Variants in SF3B3 observed in about 807,000 individuals in gnomAD.
SF3B3 encodes the protein SAP 130.
A neutral mutation model predicts 139.2 loss-of-function variants in SF3B3; 33 were observed. The ratio of observed to expected loss-of-function variants is 0.24; its 90% confidence interval spans 0.18 to 0.32. SF3B3 has a LOEUF of 0.32. SF3B3 is among the 10% of genes least tolerant of loss of function. The pLI is 1.00. For synonymous variants in SF3B3, 596 were observed against 563.6 expected, an observed-to-expected ratio of 1.06 and a Z score of -0.81; for missense variants, 818 against 1,509.4, an observed-to-expected ratio of 0.54 and a Z score of 7.59.
In SF3B3 at chr16:70,576,853, G is replaced by A. The variant is rs2050585597; in HGVS notation, c.*5040G>A. 1 of 152,296 alleles carries A rather than the reference G, an allele frequency of 6.6e-6. No homozygotes were observed. Among genetic ancestry groups the A allele is most frequent in the African/African-American group, 2.4e-5 (1 of 41,456 alleles). The allele number at this position is 152,296 out of a possible 1,614,324, so 9.4% of individuals were successfully genotyped here. A position where few individuals can be genotyped will look rare whatever the true frequency, so the allele number is the denominator to read the frequency against. On this transcript the variant is annotated 3_prime_UTR_variant, in exon 26 of 26. Coordinates refer to ENST00000302516, the MANE Select transcript of SF3B3 (RefSeq NM_012426.5). ...AGAATAAGACTGATTTACTGGGCCT[G>A]GCATGGTGGCTCACACCTGTAATCC... is the stretch of plus-strand genomic sequence containing the variant.
rs371932622 is a variant in SF3B3, at chr16:70,570,032, C to G, written c.3291C>G (p.Val1097=). Residue 1097 remains valine, a synonymous_variant, in exon 24 of 26, where the codon GTC becomes GTG. Transcript: ENST00000302516. ...CAGAGGTGATCATGAACTACCATGT[C>G]GGGGAGACGGTGCTGTCCTTGCAGA... The part of the protein sequence containing the change: ...QKAEVIMNYH[V]GETVLSLQKT... 1 of 1,614,004 alleles carries G rather than the reference C, an allele frequency of 6.2e-7. No homozygotes were observed.
chr16:70,566,270 T>A (rs2050475464), intron 20 of SF3B3, among the ~76,000 whole-genome samples: 1 of 150,872 alleles, frequency 6.6e-6, no homozygotes, highest in Admixed American at 6.6e-5. Flanking sequence ...AGTGTATACT[T>A]AAAAATGACT....
In SF3B3 at chr16:70,569,052, C is replaced by A; in HGVS notation, c.3175C>A (p.Pro1059Thr). Residue 1059 changes from proline to threonine, a missense_variant, in exon 23 of 26, where the codon CCA becomes ACA. By Grantham distance (38) the Pro-to-Thr change is conservative. This residue lies in a region of SF3B3 where 91 missense variants were observed against 171.8 expected (regional missense o/e 0.53). Coordinates refer to ENST00000302516, the MANE Select transcript of SF3B3 (RefSeq NM_012426.5). ...TGTCACTTCCTTGTAGGTGAGGCTC[C>A]CACCTAACACCAATGATGAAGTAGA... ...KFGNICVVRLPPNTNDEVDED... is the reference protein window; with the variant it reads ...KFGNICVVRLTPNTNDEVDED... 6.2e-7 allele frequency: 1 copy of A among 1,608,068 alleles called. No individual in the cohort carries two copies. Among genetic ancestry groups the A allele is most frequent in the Non-Finnish European group, 8.5e-7 (1 of 1,177,182 alleles).
intron 15 of SF3B3, among the ~76,000 whole-genome samples, chr16:70,559,296 A>G (rs550447639): frequency 2.9e-4 from 44 of 152,194 alleles, no homozygotes; most frequent in African/African-American, 1.0e-3. Context: ...AGGATAAATA[A>G]TTTTTTTCCC....
chr16:70,575,571 C>T lies in SF3B3; in HGVS notation c.*3758C>T, dbSNP rs1597727713. The T allele has an allele frequency of 1.3e-5, 2 of 152,338 alleles. No homozygotes were observed. The highest frequency in any genetic ancestry group is 2.1e-4 in the South Asian group (1 of 4,834). 9.4% of individuals were successfully genotyped at this position (152,338 alleles called of 1,614,324 possible). A position where few individuals can be genotyped will look rare whatever the true frequency, so the allele number is the denominator to read the frequency against. On this transcript the variant is annotated 3_prime_UTR_variant, in exon 26 of 26. Transcript: ENST00000302516. ...CTGCTACGCTCATTTCTTCCACAAA[C>T]GTTTACTGGGCACCTACCATGAACC...
chr16:70,544,921 G>A (rs1311144876), intron 10 of SF3B3, among the ~76,000 whole-genome samples: 2 of 152,118 alleles, frequency 1.3e-5, no homozygotes, highest in Non-Finnish European at 2.9e-5. Flanking sequence ...TGACATGGAG[G>A]CTAGGAAATC....
Position 70,544,503 on chromosome 16 carries a change from A to G in SF3B3, c.1299A>G (p.Ser433=), listed in dbSNP as rs756639035. The G allele has an allele frequency of 2.5e-6, 4 of 1,611,094 alleles. No homozygotes were observed. The highest frequency in any genetic ancestry group is 1.1e-5 in the South Asian group (1 of 91,008). ...TGGCCTGTGGTAGGGGACCCCGATCATCTCTGAGAGTCCTAAGACATGGAC... is the reference window on the plus strand; with the variant it reads ...TGGCCTGTGGTAGGGGACCCCGATCGTCTCTGAGAGTCCTAAGACATGGAC... ...LYVACGRGPR[S]SLRVLRHGLE... The change falls in exon 10 of 26, where the codon TCA becomes TCG. Residue 433 remains serine, a synonymous_variant. Transcript: ENST00000302516.
At chr16:70,547,505 A>G (rs2050279770) in intron 10 of SF3B3, among the ~76,000 whole-genome samples, 2 of 152,238 alleles carry the variant, frequency 1.3e-5, no homozygotes, top group Admixed American at 1.3e-4. Context: ...CCTATAGGAC[A>G]TGTAGAGAAT....
chr16:70,557,780 T>C (rs1290819879), intron 15 of SF3B3, among the ~76,000 whole-genome samples: 2 of 152,218 alleles, frequency 1.3e-5, no homozygotes, highest in East Asian at 3.8e-4. Context: ...ATTTTATCTT[T>C]TCCCTGGACT....
intron 10 of SF3B3, among the ~76,000 whole-genome samples, chr16:70,546,081 C>T (rs2050265636): frequency 6.6e-6 from 1 of 152,162 alleles, no homozygotes; most frequent in Non-Finnish European, 1.5e-5. Context: ...ATTCTCCCAC[C>T]TTAGCTTCTG....
rs1382668584 is a variant in SF3B3, at chr16:70,538,688, T to C, written c.963+228T>C. On this transcript the variant is annotated intron_variant, in intron 7 of 25. Coordinates refer to ENST00000302516, the MANE Select transcript of SF3B3 (RefSeq NM_012426.5). ...AGTGATTATTTTTAGGTGAAGAAGA[T>C]AGTGATTATTTTTGGTGTGAAGAAG... 2.0e-5 allele frequency among the ~76,000 whole-genome samples: 3 copies of C among 152,208 alleles called. No individual in the cohort carries two copies. The East Asian group carries it at 5.8e-4, about 29-fold the overall frequency.
intron 15 of SF3B3, among the ~76,000 whole-genome samples, chr16:70,557,383 GA>G (rs2050388611): frequency 6.6e-6 from 1 of 152,146 alleles, no homozygotes; most frequent in Admixed American, 6.5e-5. Context: ...AGCAATAAAG[GA>G]CCCCTAAATG....
At chr16:70,568,572 A>T in intron 22 of SF3B3, 77 bp downstream of exon 22, 2 of 1,164,462 alleles carry the variant, frequency 1.7e-6, no homozygotes, top group Non-Finnish European at 2.5e-6. Context: ...AAAGCCAAGG[A>T]GGAATCAAAT....
Position 70,571,867 on chromosome 16 carries a change from C to T in SF3B3, c.*54C>T, listed in dbSNP as rs540452840. The stretch of plus-strand genomic sequence containing the variant: ...AGACTGTGTGTTTTGTTTCCCCCAC[C>T]ACCATCACTGCCACCTGGCTTCTGC... On this transcript the variant is annotated 3_prime_UTR_variant, in exon 26 of 26. Coordinates refer to ENST00000302516, the MANE Select transcript of SF3B3 (RefSeq NM_012426.5). The T allele has an allele frequency of 1.1e-4, 168 of 1,559,962 alleles. No individual in the cohort carries two copies. The highest frequency in any genetic ancestry group is 3.8e-4 in the Middle Eastern group (2 of 5,304).
chr16:70,557,112 C>T (rs2050386138), intron 15 of SF3B3, 83 bp downstream of exon 15: 4 of 1,418,164 alleles, frequency 2.8e-6, no homozygotes, highest in Non-Finnish European at 2.8e-6. Context: ...CAGGGATTTT[C>T]TCTGCCCATG....
At chr16:70,569,853 CT>C (rs1281697066) in intron 23 of SF3B3, 152 bp from the exon 24 acceptor site, 2 of 801,012 alleles carry the variant, frequency 2.5e-6, no homozygotes, top group African/African-American at 1.7e-5. Context: ...TCTTGAAATC[CT>C]GGGCTCAAGC....
In SF3B3 at chr16:70,530,924, G is replaced by C; in HGVS notation, c.570+7G>C. 5 of 1,600,754 alleles carry C rather than the reference G, an allele frequency of 3.1e-6. No homozygotes were observed. The highest frequency in any genetic ancestry group is 4.3e-6 in the Non-Finnish European group (5 of 1,174,802). ...TCTGGAAATGGATTATGAGGTAATG[G>C]GGACCCTGTCTCTTTGCGTTTCTTT... On this transcript the variant is annotated splice_region_variant and intron_variant, in intron 4 of 25. Transcript: ENST00000302516.
At chr16:70,551,558 TG>T (rs775310374) in intron 11 of SF3B3, among the ~76,000 whole-genome samples, 16 of 152,252 alleles carry the variant, frequency 1.1e-4, no homozygotes, top group South Asian at 8.3e-4. Context: ...TAAAATTAGC[TG>T]GGTGTGGTGG....
intron 10 of SF3B3, among the ~76,000 whole-genome samples, chr16:70,548,054 G>T (rs181853544): frequency 6.6e-6 from 1 of 152,330 alleles, no homozygotes; most frequent in East Asian, 1.9e-4. Flanking sequence ...TAGATGGCCT[G>T]ATTGATTCCC....
Sources: allele counts gnomAD v4.1 joint callset (sites outside exome capture counted in the v4.1 genomes callset), GRCh38; gene constraint gnomAD v4.1.1; regional missense constraint gnomAD v4.1.1; transcripts MANE v1.5; gene names NCBI Gene and HGNC (gene_info 2026-07-23, HGNC 2026-07-21).